SLMAP: variants seen among roughly 807,000 people sequenced by gnomAD.
SLMAP encodes the protein sarcolemmal membrane-associated protein.
In SLMAP, 44 loss-of-function variants were observed where a neutral mutation model predicts 128.8. That is an observed-to-expected ratio of 0.34 (90% CI 0.27 to 0.44). The LOEUF is 0.44. Ranked by LOEUF, SLMAP falls within the 20% of genes least tolerant of loss-of-function variation. The pLI is 1.00. For synonymous variants in SLMAP, 327 were observed against 348.8 expected (o/e 0.94, Z 0.70); for missense variants, 787 against 985.3 (o/e 0.80, Z 2.69).
At chr3:57,905,131 C>T (rs1478879872) in intron 17 of SLMAP, among the ~76,000 whole-genome samples, 1 of 152,138 alleles carries the variant, frequency 6.6e-6, no homozygotes, top group Non-Finnish European at 1.5e-5. Flanking sequence ...TGTATAATTG[C>T]TTCTAGGCCC....
intron 2 of SLMAP, among the ~76,000 whole-genome samples, chr3:57,788,977 T>C (rs1253178956): frequency 2.0e-5 from 3 of 152,168 alleles, no homozygotes; most frequent in Non-Finnish European, 4.4e-5. Context: ...TGATGATCAT[T>C]TGTTTTTCTC....
At chr3:57,814,290 A>G (rs1403810620) in intron 2 of SLMAP, among the ~76,000 whole-genome samples, 1 of 151,940 alleles carries the variant, frequency 6.6e-6, no homozygotes, top group African/African-American at 2.4e-5. Flanking sequence ...CCTGGGCTCA[A>G]GCGGTCCTCA....
In SLMAP at chr3:57,757,750, A is replaced by G. The variant is rs2077849294; in HGVS notation, c.99A>G (p.Ser33=). 6.2e-7 allele frequency: 1 copy of G among 1,614,198 alleles called. No homozygotes were observed. The highest frequency in any genetic ancestry group is 8.5e-7 in the Non-Finnish European group (1 of 1,180,038). ...ACGAGCCCATCAAAATCGGCCGCTC[A>G]GTGGCCCGCTGTCGACCAGCGCAGA... ...YLDEPIKIGR[S]VARCRPAQNN... Residue 33 remains serine, a synonymous_variant, in exon 2 of 25, where the codon TCA becomes TCG. Transcript: ENST00000671191.
intron 14 of SLMAP, among the ~76,000 whole-genome samples, chr3:57,884,344 G>C (rs149097580): frequency 6.6e-6 from 1 of 152,270 alleles, no homozygotes; most frequent in Non-Finnish European, 1.5e-5. Flanking sequence ...GGGTATTTCA[G>C]ATATGTCTGA....
At chr3:57,792,860 G>A (rs939259164) in intron 2 of SLMAP, among the ~76,000 whole-genome samples, 3 of 152,004 alleles carry the variant, frequency 2.0e-5, no homozygotes, top group African/African-American at 4.8e-5. Context: ...GGATTTGACC[G>A]GGTGCGGTGA....
At chr3:57,763,199 C>G (rs1340890168) in intron 2 of SLMAP, among the ~76,000 whole-genome samples, 1 of 151,942 alleles carries the variant, frequency 6.6e-6, no homozygotes, top group Admixed American at 6.6e-5. Context: ...TAGTCTATTT[C>G]CAGTTTCACT....
At chr3:57,798,052 G>A (rs1576642202) in intron 2 of SLMAP, among the ~76,000 whole-genome samples, 1 of 152,158 alleles carries the variant, frequency 6.6e-6, no homozygotes, top group South Asian at 2.1e-4. Flanking sequence ...AATTAAATGA[G>A]TTAATATATG....
intron 2 of SLMAP, among the ~76,000 whole-genome samples, chr3:57,775,567 G>T (rs929772498): frequency 6.8e-6 from 1 of 147,730 alleles, no homozygotes; most frequent in Non-Finnish European, 1.5e-5. Context: ...TATGCCTGTA[G>T]TCCCGGCTGC....
intron 24 of SLMAP, among the ~76,000 whole-genome samples, chr3:57,926,713 T>G (rs1023358423): frequency 6.6e-6 from 1 of 152,188 alleles, no homozygotes; most frequent in African/African-American, 2.4e-5. Context: ...TCATGTGGCT[T>G]TATTACACTG....
intron 3 of SLMAP, among the ~76,000 whole-genome samples, chr3:57,835,568 A>G (rs1178945720): frequency 6.6e-6 from 1 of 152,254 alleles, no homozygotes; most frequent in East Asian, 1.9e-4. Context: ...CACAGACTAA[A>G]GTAGAAAGAC....
At chr3:57,839,290 T>C (rs775226276) in intron 3 of SLMAP, among the ~76,000 whole-genome samples, 39 of 152,110 alleles carry the variant, frequency 2.6e-4, no homozygotes, top group Admixed American at 3.9e-4. Context: ...CAATTAGTAA[T>C]GAAAATCAAT....
chr3:57,881,450 A>C (rs1412677735), intron 14 of SLMAP, among the ~76,000 whole-genome samples: 3 of 152,082 alleles, frequency 2.0e-5, no homozygotes, highest in South Asian at 4.1e-4. Flanking sequence ...GTTTTAAACT[A>C]GATTTTTTAT....
intron 14 of SLMAP, among the ~76,000 whole-genome samples, chr3:57,879,957 AAAAAAT>A (rs2095691826): frequency 2.0e-5 from 3 of 150,412 alleles, no homozygotes; most frequent in African/African-American, 4.9e-5. Context: ...CTCAAAAAAA[AAAAAAT>A]AAAAATAAAA....
At chr3:57,764,789 C>G (rs1196376322) in intron 2 of SLMAP, among the ~76,000 whole-genome samples, 1 of 152,150 alleles carries the variant, frequency 6.6e-6, no homozygotes, top group Non-Finnish European at 1.5e-5. Context: ...GATTTAAACT[C>G]AAGCTCATAA....
chr3:57,883,460 A>G (rs1165756604), intron 14 of SLMAP, among the ~76,000 whole-genome samples: 3 of 152,196 alleles, frequency 2.0e-5, no homozygotes, highest in Non-Finnish European at 2.9e-5. Context: ...TTAGATTATA[A>G]TCAGAGAAAG....
chr3:57,888,589 C>G (rs1247447171), intron 14 of SLMAP, among the ~76,000 whole-genome samples: 2 of 151,550 alleles, frequency 1.3e-5, no homozygotes, highest in Non-Finnish European at 2.9e-5. Flanking sequence ...TGCACTCCAG[C>G]CTGGTGACAG....
intron 2 of SLMAP, among the ~76,000 whole-genome samples, chr3:57,790,624 A>G (rs2085255979): frequency 6.6e-6 from 1 of 152,174 alleles, no homozygotes; most frequent in Non-Finnish European, 1.5e-5. Flanking sequence ...AATAGGTGCT[A>G]AATATGTGAG....
Position 57,783,458 on chromosome 3 carries a change from T to A in SLMAP, c.198+25609T>A, listed in dbSNP as rs147237957. ...AAGGCAGAATTTAAGAGTGATGAGC[T>A]AGGATATCTGGTGGAAGAAATTTTT... is the stretch of plus-strand genomic sequence containing the variant. On this transcript the variant is annotated intron_variant, in intron 2 of 24. Transcript: ENST00000671191. 3.0e-3 allele frequency among the ~76,000 whole-genome samples: 456 copies of A among 152,276 alleles called. 3 individuals carry two copies. Among genetic ancestry groups the A allele is most frequent in the African/African-American group, 9.5e-3 (396 of 41,558 alleles).
At chr3:57,919,737 G>T (rs2096881628) in intron 22 of SLMAP, among the ~76,000 whole-genome samples, 1 of 151,488 alleles carries the variant, frequency 6.6e-6, no homozygotes, top group African/African-American at 2.4e-5. Flanking sequence ...GGAGGTTGTG[G>T]TAAGCCAAGA....
Sources: gnomAD v4.1 joint callset for allele counts (sites outside exome capture counted in the v4.1 genomes callset) on GRCh38, gnomAD v4.1.1 for gene constraint, MANE v1.5 for transcripts, NCBI Gene and HGNC (gene_info 2026-07-23, HGNC 2026-07-21) for gene names.